The following MSTO1 variants were observed in gnomAD, a reference collection of about 807,000 sequenced individuals.
MSTO1 encodes protein misato homolog 1.
Under a neutral mutation model 55.7 loss-of-function variants are expected in MSTO1, and 24 were observed. The observed-to-expected ratio is 0.43, with a 90% CI of 0.31 to 0.61. The LOEUF (loss-of-function observed/expected upper bound fraction) is 0.61, where lower values mean the gene tolerates loss of function less well. Ranked by LOEUF, MSTO1 falls within the 20% of genes least tolerant of loss-of-function variation. The pLI, the probability that MSTO1 is intolerant of heterozygous loss-of-function variation, is 0.09. For synonymous variants in MSTO1, 162 were observed against 252.8 expected, an observed-to-expected ratio of 0.64 and a Z score of 3.41; for missense variants, 363 against 625.7, an observed-to-expected ratio of 0.58 and a Z score of 4.48.
At chr1:155,594,558 G>C in the MSTO1 span, among the ~76,000 whole-genome samples, 4 of 152,054 alleles carry the variant, frequency 2.6e-5, no homozygotes, top group Non-Finnish European at 5.9e-5. Context: ...CAGTGGCCTT[G>C]TCATGCTGAG....
the MSTO1 span, among the ~76,000 whole-genome samples, chr1:155,593,762 A>C: frequency 6.6e-6 from 1 of 151,980 alleles, no homozygotes; most frequent in African/African-American, 2.4e-5. Context: ...AGGTCAGGAG[A>C]TCGAGACCAT....
chr1:155,590,817 G>T, the MSTO1 span: 20 of 1,606,952 alleles, frequency 1.2e-5, no homozygotes, highest in Admixed American at 8.4e-5. Flanking sequence ...CCACCAGGGG[G>T]TTATAGAAGT....
Position 155,613,133 on chromosome 1 carries a change from A to G in MSTO1, c.1183A>G (p.Thr395Ala), listed in dbSNP as rs773652102. The G allele has an allele frequency of 2.5e-6, 4 of 1,613,872 alleles. No homozygotes were observed. The South Asian group carries it at 4.4e-5, about 18-fold the overall frequency. The change falls in exon 11 of 14, where the codon ACC becomes GCC. Residue 395 changes from threonine to alanine, a missense_variant. By Grantham distance (58) the Thr-to-Ala change is moderately conservative. Coordinates refer to ENST00000245564, the MANE Select transcript of MSTO1 (RefSeq NM_018116.4). ...TTCCCTGATGCAGTTTGGAGGAGCC[A>G]CCCCATGGACCCCACTGTCTGCATG... ...PDSLMQFGGA[T>A]PWTPLSACGE... is the part of the protein sequence containing the mutation.
upstream of MSTO1, among the ~76,000 whole-genome samples, chr1:155,606,678 C>T (rs1421883783): frequency 6.6e-6 from 1 of 151,868 alleles, no homozygotes; most frequent in Non-Finnish European, 1.5e-5. Flanking sequence ...CAGGTGTGAG[C>T]CATCGTACCC....
At chr1:155,609,403 G>C (rs1298825232), upstream of MSTO1, among the ~76,000 whole-genome samples, 1 of 150,774 alleles carries the variant, frequency 6.6e-6, no homozygotes, top group Non-Finnish European at 1.5e-5. Context: ...CCGCCACCAC[G>C]CCCAGCTAAT....
the MSTO1 span, among the ~76,000 whole-genome samples, chr1:155,601,651 A>G: frequency 6.6e-6 from 1 of 152,284 alleles, no homozygotes; most frequent in South Asian, 2.1e-4. Flanking sequence ...GAAAAGAAAT[A>G]TATATTGGAA....
At chr1:155,587,439 CAAA>C in the MSTO1 span, among the ~76,000 whole-genome samples, 2 of 52,660 alleles carry the variant, frequency 3.8e-5, no homozygotes, top group African/African-American at 8.2e-5. Context: ...GACTACGTCT[CAAA>C]AAAAAAAAAA....
chr1:155,607,763 G>A (rs1571196109), upstream of MSTO1, among the ~76,000 whole-genome samples: 5 of 152,364 alleles, frequency 3.3e-5, 1 homozygote, highest in Admixed American at 6.5e-5. Context: ...AATATTTTGG[G>A]AGGCCGAAGT....
At chr1:155,574,527 C>T in the MSTO1 span, among the ~76,000 whole-genome samples, 17 of 152,198 alleles carry the variant, frequency 1.1e-4, no homozygotes, top group East Asian at 3.3e-3. Flanking sequence ...GAAAGCTCTT[C>T]GTACTACGTT....
At chr1:155,595,595 C>T in the MSTO1 span, among the ~76,000 whole-genome samples, 1 of 151,016 alleles carries the variant, frequency 6.6e-6, no homozygotes, top group African/African-American at 2.4e-5. Flanking sequence ...TCAAGCAATT[C>T]TCGTGCTTCA....
chr1:155,599,721 G>C, the MSTO1 span, among the ~76,000 whole-genome samples: 1 of 152,210 alleles, frequency 6.6e-6, no homozygotes, highest in Non-Finnish European at 1.5e-5. Context: ...TTGATCATTC[G>C]TGGGTGTTTC....
At chr1:155,606,621 T>C (rs772315682), upstream of MSTO1, among the ~76,000 whole-genome samples, 5 of 149,940 alleles carry the variant, frequency 3.3e-5, no homozygotes, top group Admixed American at 2.0e-4. Flanking sequence ...TCTCAAATCC[T>C]GACCTCAGGT....
the MSTO1 span, among the ~76,000 whole-genome samples, chr1:155,581,269 T>C: frequency 6.6e-6 from 1 of 152,074 alleles, no homozygotes; most frequent in Non-Finnish European, 1.5e-5. Context: ...CCAGCCATTA[T>C]CTACATTTTA....
At chr1:155,593,771 A>G in the MSTO1 span, among the ~76,000 whole-genome samples, 2 of 151,868 alleles carry the variant, frequency 1.3e-5, no homozygotes, top group African/African-American at 4.8e-5. Flanking sequence ...GATCGAGACC[A>G]TCCTGGCTAA....
the MSTO1 span, among the ~76,000 whole-genome samples, chr1:155,568,977 C>T: frequency 6.6e-6 from 1 of 151,648 alleles, no homozygotes; most frequent in Non-Finnish European, 1.5e-5. Flanking sequence ...GCCTCAGCCT[C>T]CTGAGTAGCT....
upstream of MSTO1, chr1:155,609,972 G>T (rs1026128052): frequency 4.3e-6 from 2 of 468,502 alleles, no homozygotes; most frequent in Non-Finnish European, 7.6e-6. Context: ...CCAAGTCAGC[G>T]GCGGAGACGG....
chr1:155,590,274 C>G, the MSTO1 span, among the ~76,000 whole-genome samples: 1 of 152,044 alleles, frequency 6.6e-6, no homozygotes, highest in Non-Finnish European at 1.5e-5. Flanking sequence ...CTCTTGGGGA[C>G]AGTCTGTCTT....
chr1:155,578,605 G>A, the MSTO1 span, among the ~76,000 whole-genome samples: 16 of 146,630 alleles, frequency 1.1e-4, no homozygotes, highest in African/African-American at 4.1e-4. Context: ...CCGCCTCCCA[G>A]GTTCACGCCA....
the MSTO1 span, among the ~76,000 whole-genome samples, chr1:155,584,144 G>A: frequency 6.6e-6 from 1 of 152,140 alleles, no homozygotes; most frequent in African/African-American, 2.4e-5. Context: ...CAAGGCGGGA[G>A]GATCACTTGA....
Sources: allele counts gnomAD v4.1 joint callset (sites outside exome capture counted in the v4.1 genomes callset), GRCh38; gene constraint gnomAD v4.1.1; transcripts MANE v1.5; gene names NCBI Gene and HGNC (gene_info 2026-07-23, HGNC 2026-07-21).